SYNE1: variants seen among roughly 807,000 people sequenced by gnomAD.
SYNE1 encodes nesprin-1.
SYNE1 carries 616 observed loss-of-function variants against 1,111.0 expected under a neutral mutation model. The ratio of observed to expected loss-of-function variants is 0.55; its 90% CI spans 0.52 to 0.59. The LOEUF is 0.59. Ranked by LOEUF, SYNE1 falls within the 20% of genes least tolerant of loss-of-function variation. The pLI is 0.00. For synonymous variants in SYNE1, 3,855 were observed against 3,825.8 expected (o/e 1.01, Z -0.28); for missense variants, 10,006 against 10,417.0 (o/e 0.96, Z 1.72).
intron 32 of SYNE1, among the ~76,000 whole-genome samples, 160 bp downstream of exon 32, chr6:152,440,970 T>C (rs914650775): frequency 6.6e-6 from 1 of 152,234 alleles, no homozygotes; most frequent in Non-Finnish European, 1.5e-5. Context: ...ATCCTACTTA[T>C]GTTTTCATTC....
rs893240610 is a variant in SYNE1, at chr6:152,604,643, C to T, written c.67+23622G>A. 7.9e-5 allele frequency among the ~76,000 whole-genome samples: 12 copies of T among 151,962 alleles called. No individual in the cohort carries two copies. In the East Asian group the frequency reaches 2.3e-3, roughly 30 times the overall value. ...TTGGAAAAAAGTTATAGAAATCTAT[C>T]TAATAATTTTTGGGGGCAGGGCACG... is the stretch of plus-strand genomic sequence containing the variant. On this transcript the variant is annotated intron_variant, in intron 3 of 145. Transcript: ENST00000367255.
chr6:152,423,577 G>A (rs2098302982), intron 39 of SYNE1, among the ~76,000 whole-genome samples: 1 of 152,030 alleles, frequency 6.6e-6, no homozygotes, highest in African/African-American at 2.4e-5. Context: ...TCCCACCTTT[G>A]CCTACTTACA....
At chr6:152,218,883 CT>C (rs2153456191) in intron 120 of SYNE1, 119 bp downstream of exon 120, 2 of 1,068,414 alleles carry the variant, frequency 1.9e-6, no homozygotes, top group South Asian at 2.6e-5. Flanking sequence ...TGTTTACTTG[CT>C]ATTTTCTTGA....
At position 152,511,118 on chromosome 6, in the gene SYNE1, G is replaced by A; in HGVS notation, c.310-15C>T. ...ACTAATTTAATCTGTTTAAAAAAGAGAAACTGTACTAGTAATGTACTAGAA... is the reference window on the plus strand; with the variant it reads ...ACTAATTTAATCTGTTTAAAAAAGAAAAACTGTACTAGTAATGTACTAGAA... On this transcript the variant is annotated splice_polypyrimidine_tract_variant and intron_variant, in intron 6 of 145. Transcript: ENST00000367255. The A allele has an allele frequency of 6.3e-7, 1 of 1,597,494 alleles. No individual in the cohort carries two copies.
At position 152,219,182 on chromosome 6, in the gene SYNE1, G is replaced by A; in HGVS notation, c.21865C>T (p.Leu7289Phe). The change falls in exon 120 of 146, where the codon CTC (leucine) becomes TTC (phenylalanine). Residue 7289 changes from leucine (L) to phenylalanine (F), a missense_variant. Physicochemically the swap from Leu to Phe is conservative, Grantham distance 22. This residue lies in a region of SYNE1 where 2,182 missense variants were observed against 2,287.8 expected (regional missense o/e 0.95). Transcript: ENST00000367255. ...VATWIQDCND[L>F]LKGLGTVKDS... Reference sequence around the variant, plus strand: ...TTAACTGTGCCCAGTCCTTTGAGGAGGTCCTAGAAGAGGTGAAAATATGCC... The same window carrying A: ...TTAACTGTGCCCAGTCCTTTGAGGAAGTCCTAGAAGAGGTGAAAATATGCC... 6.2e-7 allele frequency: 1 copy of A among 1,613,654 alleles called. No homozygotes were observed. Among genetic ancestry groups the A allele is most frequent in the Non-Finnish European group, 8.5e-7 (1 of 1,179,910 alleles).
intron 98 of SYNE1, among the ~76,000 whole-genome samples, chr6:152,274,218 T>G (rs1276391599): frequency 6.6e-6 from 1 of 152,220 alleles, no homozygotes; most frequent in Non-Finnish European, 1.5e-5. Context: ...AATTACAAAG[T>G]CACATTGCAT....
intron 145 of SYNE1, among the ~76,000 whole-genome samples, chr6:152,130,163 G>A (rs1266977687): frequency 6.6e-6 from 1 of 152,088 alleles, no homozygotes; most frequent in Non-Finnish European, 1.5e-5. Flanking sequence ...GCTGGATGAA[G>A]GGAAGTTTTA....
At chr6:152,597,595 A>G (rs1314555576) in intron 3 of SYNE1, among the ~76,000 whole-genome samples, 1 of 152,208 alleles carries the variant, frequency 6.6e-6, no homozygotes, top group East Asian at 1.9e-4. Flanking sequence ...GATTTAATTC[A>G]GCAGCCAGAT....
At chr6:152,377,032 G>T in intron 56 of SYNE1, 120 bp from the exon 57 acceptor site, 2 of 1,272,008 alleles carry the variant, frequency 1.6e-6, no homozygotes, top group Non-Finnish European at 2.2e-6. Context: ...CAACATGGTA[G>T]ATTCAATGAA....
At chr6:152,304,952 G>A (rs1389400944) in intron 91 of SYNE1, among the ~76,000 whole-genome samples, 4 of 152,200 alleles carry the variant, frequency 2.6e-5, no homozygotes, top group African/African-American at 9.7e-5. Flanking sequence ...GCTTCTGTAA[G>A]TGTAAACCTC....
chr6:152,366,184 T>G (rs952270192), intron 62 of SYNE1, among the ~76,000 whole-genome samples: 3 of 151,460 alleles, frequency 2.0e-5, no homozygotes, highest in African/African-American at 7.3e-5. Flanking sequence ...AATACAAAAT[T>G]AGCCAGGCGT....
intron 130 of SYNE1, among the ~76,000 whole-genome samples, chr6:152,169,072 T>C (rs1451534012): frequency 6.6e-6 from 1 of 152,068 alleles, no homozygotes; most frequent in Admixed American, 6.5e-5. Flanking sequence ...ATATGATTAA[T>C]GCTGGATGCT....
At chr6:152,339,657 C>T (rs1241334292) in intron 74 of SYNE1, among the ~76,000 whole-genome samples, 1 of 152,218 alleles carries the variant, frequency 6.6e-6, no homozygotes. Flanking sequence ...TATTTGCTCA[C>T]ATGCCAGCTT....
chr6:152,489,246 T>C (rs554254014), intron 11 of SYNE1, among the ~76,000 whole-genome samples: 15 of 152,292 alleles, frequency 9.8e-5, no homozygotes, highest in African/African-American at 3.6e-4. Context: ...ATGCCAAGTA[T>C]TCATAATCAT....
intron 38 of SYNE1, among the ~76,000 whole-genome samples, chr6:152,427,149 C>A (rs1368698627): frequency 6.6e-6 from 1 of 152,196 alleles, no homozygotes; most frequent in African/African-American, 2.4e-5. Flanking sequence ...AAATTGGCTT[C>A]TTCAAGTATG....
intron 14 of SYNE1, among the ~76,000 whole-genome samples, chr6:152,482,284 G>A (rs568081694): frequency 4.6e-5 from 7 of 152,278 alleles, no homozygotes; most frequent in Admixed American, 1.3e-4. Context: ...TTTGCTTTAT[G>A]ATCTTGTCTA....
At chr6:152,556,838 C>A (rs916626025) in intron 3 of SYNE1, among the ~76,000 whole-genome samples, 1 of 152,156 alleles carries the variant, frequency 6.6e-6, no homozygotes, top group Non-Finnish European at 1.5e-5. Flanking sequence ...AGTCTGAAGA[C>A]TGGCAAATGT....
chr6:152,156,970 G>A (rs898722141), intron 131 of SYNE1, among the ~76,000 whole-genome samples: 1 of 152,102 alleles, frequency 6.6e-6, no homozygotes, highest in African/African-American at 2.4e-5. Flanking sequence ...TGGGATTACA[G>A]GTACCCGCCA....
chr6:152,319,698 C>G (rs1297794008), intron 84 of SYNE1, among the ~76,000 whole-genome samples: 1 of 137,230 alleles, frequency 7.3e-6, no homozygotes, highest in Non-Finnish European at 1.6e-5. Context: ...TTAAAAAAAC[C>G]TCTTTAGTAG....
Sources: allele counts gnomAD v4.1 joint callset (sites outside exome capture counted in the v4.1 genomes callset), GRCh38; gene constraint gnomAD v4.1.1; regional missense constraint gnomAD v4.1.1; transcripts MANE v1.5; gene names NCBI Gene and HGNC (gene_info 2026-07-23, HGNC 2026-07-21).